The following AFF3 variants were observed in gnomAD, a reference collection of about 807,000 sequenced individuals.
AFF3 encodes the protein ALF transcription elongation factor 3.
In AFF3, 32 loss-of-function variants were observed where a neutral mutation model predicts 129.7. The observed-to-expected ratio is 0.25, with a 90% confidence interval of 0.19 to 0.33. AFF3 has a LOEUF of 0.33. AFF3 is among the 10% of genes least tolerant of loss of function. AFF3 has a pLI of 1.00. For synonymous variants in AFF3, 644 were observed against 635.4 expected, an observed-to-expected ratio of 1.01 and a Z score of -0.20; for missense variants, 1,373 against 1,592.0, an observed-to-expected ratio of 0.86 and a Z score of 2.34.
intron 21 of AFF3, among the ~76,000 whole-genome samples, chr2:99,559,295 T>C (rs1377193370): frequency 6.6e-6 from 1 of 151,048 alleles, no homozygotes; most frequent in Non-Finnish European, 1.5e-5. Context: ...AGGCGCGAGG[T>C]AGCTCTAGTA....
chr2:99,897,131 T>C (rs1694033263), intron 7 of AFF3, among the ~76,000 whole-genome samples: 1 of 152,168 alleles, frequency 6.6e-6, no homozygotes, highest in South Asian at 2.1e-4. Flanking sequence ...TTAAGTGAAA[T>C]AGATATTTAC....
intron 13 of AFF3, chr2:99,630,781 A>G (rs1683053436): frequency 5.0e-6 from 1 of 200,166 alleles, no homozygotes; most frequent in South Asian, 7.4e-5. Context: ...CAAGAACAGC[A>G]TGGGGGAAAC....
At chr2:99,638,812 A>G (rs968572859) in intron 13 of AFF3, among the ~76,000 whole-genome samples, 32 of 152,162 alleles carry the variant, frequency 2.1e-4, no homozygotes, top group African/African-American at 7.2e-4. Flanking sequence ...ATAACATCAA[A>G]TTGGCCAAGG....
intron 15 of AFF3, among the ~76,000 whole-genome samples, chr2:99,587,650 A>G (rs1428302667): frequency 6.6e-6 from 1 of 152,194 alleles, no homozygotes; most frequent in East Asian, 1.9e-4. Flanking sequence ...AATAAAGTAC[A>G]GCAAGTGTGT....
At chr2:100,078,638 C>T (rs1432601075) in intron 4 of AFF3, among the ~76,000 whole-genome samples, 1 of 152,112 alleles carries the variant, frequency 6.6e-6, no homozygotes, top group Non-Finnish European at 1.5e-5. Context: ...GTTAAATGGA[C>T]TTGTAAACAT....
At chr2:99,896,620 CTTTTTTTTTTTTTT>C (rs35573862) in intron 7 of AFF3, among the ~76,000 whole-genome samples, 482 of 36,084 alleles carry the variant, frequency 0.013, 2 homozygotes, top group Non-Finnish European at 0.021. Context: ...TGTCAAAATG[CTTTTTTTTTTTTTT>C]TTTTTTTTTT....
At chr2:99,882,788 A>C (rs138023617) in intron 7 of AFF3, among the ~76,000 whole-genome samples, 1 of 152,362 alleles carries the variant, frequency 6.6e-6, no homozygotes, top group African/African-American at 2.4e-5. Flanking sequence ...GCCCACATAA[A>C]GAAACTGTAG....
intron 7 of AFF3, among the ~76,000 whole-genome samples, chr2:99,960,377 A>G (rs1019225872): frequency 6.6e-6 from 1 of 152,026 alleles, no homozygotes; most frequent in African/African-American, 2.4e-5. Context: ...AACGTCACAC[A>G]TTCTTAACTG....
intron 4 of AFF3, among the ~76,000 whole-genome samples, chr2:100,063,504 G>T (rs1469270784): frequency 6.6e-6 from 1 of 152,008 alleles, no homozygotes; most frequent in Non-Finnish European, 1.5e-5. Flanking sequence ...AAATTTGCTA[G>T]CAAGATTATA....
At chr2:99,592,933 C>CT (rs1367770493) in intron 15 of AFF3, among the ~76,000 whole-genome samples, 1 of 62,996 alleles carries the variant, frequency 1.6e-5, no homozygotes, top group Non-Finnish European at 3.2e-5. Context: ...GAGACTCCCT[C>CT]CCCCCCCCCC....
At chr2:99,611,210 A>G (rs1680886875) in intron 13 of AFF3, among the ~76,000 whole-genome samples, 1 of 152,108 alleles carries the variant, frequency 6.6e-6, no homozygotes, top group Non-Finnish European at 1.5e-5. Context: ...AGTTGTCTCA[A>G]GCTTGTTTTT....
intron 13 of AFF3, among the ~76,000 whole-genome samples, chr2:99,616,296 A>G (rs1681423515): frequency 1.3e-5 from 2 of 151,528 alleles, no homozygotes; most frequent in Admixed American, 6.6e-5. Flanking sequence ...CCTCATGGAA[A>G]CTCCATAATC....
chr2:100,129,977 C>T (rs1051761492), intron 1 of AFF3, among the ~76,000 whole-genome samples: 2 of 152,164 alleles, frequency 1.3e-5, no homozygotes, highest in South Asian at 2.1e-4. Flanking sequence ...AGCCTTTACA[C>T]GTGGCCTCTA....
chr2:99,913,067 C>A (rs1266105286), intron 7 of AFF3, among the ~76,000 whole-genome samples: 1 of 152,066 alleles, frequency 6.6e-6, no homozygotes, highest in East Asian at 1.9e-4. Context: ...TGTGACAAAA[C>A]CAATTCAATT....
intron 1 of AFF3, among the ~76,000 whole-genome samples, chr2:100,130,033 A>G (rs989188315): frequency 1.3e-5 from 2 of 152,222 alleles, no homozygotes; most frequent in Admixed American, 1.3e-4. Flanking sequence ...AAAAGGAGGC[A>G]TGCCATGGCC....
intron 11 of AFF3, among the ~76,000 whole-genome samples, chr2:99,676,800 C>G (rs777852072): frequency 7.2e-5 from 11 of 152,184 alleles, no homozygotes; most frequent in Non-Finnish European, 1.3e-4. Flanking sequence ...CTGCTGTCAG[C>G]TGGTCTGAGT....
chr2:99,617,122 T>C (rs141962762), intron 13 of AFF3, among the ~76,000 whole-genome samples: 2 of 152,380 alleles, frequency 1.3e-5, no homozygotes, highest in East Asian at 3.9e-4. Flanking sequence ...TGAGCATTCA[T>C]GTCTAAGTTT....
intron 11 of AFF3, chr2:99,707,531 T>G (rs1677514158): frequency 1.0e-6 from 1 of 984,832 alleles, no homozygotes; most frequent in African/African-American, 1.8e-5. Flanking sequence ...TTAGGTAGCC[T>G]TCTTTGATAT....
At chr2:99,839,635 G>A (rs1332864976) in intron 7 of AFF3, among the ~76,000 whole-genome samples, 2 of 145,162 alleles carry the variant, frequency 1.4e-5, no homozygotes, top group African/African-American at 2.6e-5. Flanking sequence ...TTTTTGAGAC[G>A]GAGCCTCGCT....
Sources: allele counts gnomAD v4.1 joint callset (sites outside exome capture counted in the v4.1 genomes callset), GRCh38; gene constraint gnomAD v4.1.1; transcripts MANE v1.5; gene names NCBI Gene and HGNC (gene_info 2026-07-23, HGNC 2026-07-21).